Variants in GPC3 observed in about 807,000 individuals in gnomAD.
GPC3 encodes glypican-3.
GPC3 carries 3 observed loss-of-function variants against 34.4 expected under a neutral mutation model. The ratio of observed to expected loss-of-function variants is 0.09; its 90% CI spans 0.04 to 0.23. GPC3 has a LOEUF of 0.23. Ranked by LOEUF, GPC3 falls within the 10% of genes least tolerant of loss-of-function variation. The probability of loss-of-function intolerance (pLI) is 1.00; values close to 1 mark genes in which losing one functional copy is unlikely to be tolerated. For missense variants in GPC3, 351 were observed against 445.6 expected (o/e 0.79, Z 1.91); for synonymous variants, 177 against 174.0 (o/e 1.02, Z -0.13).
At chrX:133,691,498 C>CA (rs35766324) in intron 5 of GPC3, among the ~76,000 whole-genome samples, 4,673 of 91,837 alleles carry the variant, frequency 0.051, 302 homozygotes, top group African/African-American at 0.17. Flanking sequence ...GACTCTGTCT[C>CA]AAAAAAAAAA....
At chrX:133,539,628 C>T (rs1397459093) in intron 7 of GPC3, among the ~76,000 whole-genome samples, 1 of 112,222 alleles carries the variant, frequency 8.9e-6, no homozygotes, top group African/African-American at 3.2e-5. Context: ...TCTTCTACCT[C>T]CAAAAGGCCC....
At chrX:133,701,053 C>T (rs1053974907) in intron 3 of GPC3, among the ~76,000 whole-genome samples, 5 of 111,202 alleles carry the variant, frequency 4.5e-5, no homozygotes, top group African/African-American at 1.6e-4. Flanking sequence ...CTCATTCATT[C>T]ATTCAAAAAT....
intron 2 of GPC3, among the ~76,000 whole-genome samples, chrX:133,764,960 A>G (rs1603242935): frequency 9.0e-6 from 1 of 111,573 alleles, no homozygotes; most frequent in Admixed American, 9.5e-5. Flanking sequence ...AATGACACCT[A>G]CGAAGAAGTA....
intron 2 of GPC3, among the ~76,000 whole-genome samples, chrX:133,878,055 C>T (rs961016780): frequency 9.0e-6 from 1 of 111,172 alleles, no homozygotes; most frequent in Non-Finnish European, 1.9e-5. Flanking sequence ...TACTTTTTTT[C>T]TCTATTTTGA....
At chrX:133,854,035 A>T (rs1011123109) in intron 2 of GPC3, among the ~76,000 whole-genome samples, 5 of 112,036 alleles carry the variant, frequency 4.5e-5, no homozygotes, top group Non-Finnish European at 9.4e-5. Context: ...AAATAGCTCT[A>T]GATGGCATAT....
chrX:133,627,108 T>G (rs185525041), intron 6 of GPC3, among the ~76,000 whole-genome samples: 2 of 89,426 alleles, frequency 2.2e-5, no homozygotes, highest in Non-Finnish European at 4.2e-5. Flanking sequence ...GGTGGGAATT[T>G]AACAATGAAA....
In GPC3 at chrX:133,635,140, T is replaced by A. The variant is rs148250324; in HGVS notation, c.1413+26590A>T. Among the ~76,000 whole-genome samples, 846 of 112,266 alleles carry A rather than the reference T, an allele frequency of 7.5e-3. 5 individuals are homozygous for A. Among genetic ancestry groups the A allele is most frequent in the Middle Eastern group, 0.032 (7 of 218 alleles). ...TCTCTTTTTCATCCCACAGCCAATA[T>A]TTAATAATAATAAATCTCTATGAGA... On this transcript the variant is annotated intron_variant, in intron 6 of 7. Transcript: ENST00000370818.
chrX:133,695,027 G>T (rs773682852), intron 4 of GPC3, among the ~76,000 whole-genome samples: 7 of 111,451 alleles, frequency 6.3e-5, no homozygotes, highest in African/African-American at 2.3e-4. Flanking sequence ...AGAAATACCC[G>T]ACTGGGTAAT....
At chrX:133,952,215 T>C (rs1047031832) in intron 2 of GPC3, among the ~76,000 whole-genome samples, 3 of 111,761 alleles carry the variant, frequency 2.7e-5, no homozygotes, top group African/African-American at 9.8e-5. Context: ...ATTAATTTTG[T>C]GGCCTTGAGC....
At chrX:133,893,302 G>A (rs998167896) in intron 2 of GPC3, among the ~76,000 whole-genome samples, 3 of 111,787 alleles carry the variant, frequency 2.7e-5, no homozygotes. Flanking sequence ...TGAAGTGTCT[G>A]TCATTTCTCA....
chrX:133,708,223 C>T lies in GPC3; in HGVS notation c.1033-8195G>A, dbSNP rs148164231. On this transcript the variant is annotated intron_variant, in intron 3 of 7. Coordinates refer to ENST00000370818, the MANE Select transcript of GPC3 (RefSeq NM_004484.4). Reference sequence around the variant, plus strand: ...TTTGTGAATAAAGCTGCACTGTTTACTCAAATCTTGCCATTTCATTTTCAA... The same window carrying T: ...TTTGTGAATAAAGCTGCACTGTTTATTCAAATCTTGCCATTTCATTTTCAA... Among the ~76,000 whole-genome samples the T allele has an allele frequency of 2.0e-3, 227 of 111,919 alleles. 1 individual carries two copies. Among genetic ancestry groups the T allele is most frequent in the African/African-American group, 5.8e-3 (179 of 30,908 alleles).
At chrX:133,556,260 G>A (rs2069488443) in intron 7 of GPC3, among the ~76,000 whole-genome samples, 2 of 111,017 alleles carry the variant, frequency 1.8e-5, no homozygotes, top group Admixed American at 1.9e-4. Context: ...TTCAAACAAT[G>A]CCTAAGTATA....
chrX:133,777,595 T>C (rs1294494091), intron 2 of GPC3, among the ~76,000 whole-genome samples: 1 of 112,190 alleles, frequency 8.9e-6, no homozygotes, highest in African/African-American at 3.2e-5. Context: ...ATTAGGAATC[T>C]TTGATACTAG....
intron 6 of GPC3, among the ~76,000 whole-genome samples, chrX:133,623,066 A>C (rs912127990): frequency 5.3e-5 from 6 of 112,172 alleles, no homozygotes; most frequent in African/African-American, 1.9e-4. Flanking sequence ...ACTAAGCTTC[A>C]TCAGTGAATG....
intron 1 of GPC3, among the ~76,000 whole-genome samples, chrX:133,981,479 T>C (rs1797966509): frequency 8.9e-6 from 1 of 112,410 alleles, no homozygotes; most frequent in Non-Finnish European, 1.9e-5. Context: ...TCAGGATTCG[T>C]GTACTATTCA....
chrX:133,670,524 CA>C lies in GPC3; in HGVS notation c.1293-8675del, dbSNP rs200731182. Reference sequence around the variant, plus strand: ...CCCCACCAAAAAAAATTTGATTTCACAAAAGTTTAATATGCTGCCCAGCTAT... The same window carrying C: ...CCCCACCAAAAAAAATTTGATTTCACAAAGTTTAATATGCTGCCCAGCTAT... On this transcript the variant is annotated intron_variant, in intron 5 of 7. Transcript: ENST00000370818. Among the ~76,000 whole-genome samples, 194 of 111,881 alleles carry C rather than the reference CA, an allele frequency of 1.7e-3. 1 individual carries two copies. In the South Asian group the frequency reaches 0.023, roughly 13 times the overall value.
chrX:133,763,651 G>A, intron 2 of GPC3: 1 of 750,939 alleles, frequency 1.3e-6, no homozygotes, highest in Non-Finnish European at 2.0e-6. Flanking sequence ...TCAGGCCACT[G>A]AATGGGTAGG....
intron 6 of GPC3, among the ~76,000 whole-genome samples, chrX:133,642,257 T>G (rs1386323659): frequency 8.9e-6 from 1 of 111,981 alleles, no homozygotes; most frequent in African/African-American, 3.2e-5. Context: ...GTAACTGTTT[T>G]TAGCACTACC....
At chrX:133,926,467 G>A (rs1569455669) in intron 2 of GPC3, among the ~76,000 whole-genome samples, 1 of 112,139 alleles carries the variant, frequency 8.9e-6, no homozygotes, top group African/African-American at 3.2e-5. Flanking sequence ...TGATTTATAT[G>A]GATAGGGACA....
Sources: gnomAD v4.1 joint callset for allele counts (sites outside exome capture counted in the v4.1 genomes callset) on GRCh38, gnomAD v4.1.1 for gene constraint, MANE v1.5 for transcripts, NCBI Gene and HGNC (gene_info 2026-07-23, HGNC 2026-07-21) for gene names.